Variants in PID1 observed in about 807,000 individuals in gnomAD.
PID1 encodes the protein phosphotyrosine interaction domain containing 1.
In PID1, 10 loss-of-function variants were observed where a neutral mutation model predicts 19.1. The ratio of observed to expected loss-of-function variants is 0.52; its 90% confidence interval spans 0.32 to 0.89. The LOEUF (loss-of-function observed/expected upper bound fraction) is 0.89, where lower values mean the gene tolerates loss of function less well. Ranked by LOEUF, PID1 falls within the 40% of genes least tolerant of loss-of-function variation. The pLI is 0.03. For synonymous variants in PID1, 130 were observed against 116.0 expected (o/e 1.12, Z -0.78); for missense variants, 248 against 285.3 (o/e 0.87, Z 0.94).
chr2:229,144,563 C>T (rs1170938836), intron 2 of PID1, among the ~76,000 whole-genome samples: 1 of 152,054 alleles, frequency 6.6e-6, no homozygotes, highest in Non-Finnish European at 1.5e-5. Flanking sequence ...AGTTATCACA[C>T]AGATATTGAG....
At chr2:229,168,917 C>T (rs1690656519) in intron 1 of PID1, among the ~76,000 whole-genome samples, 1 of 152,224 alleles carries the variant, frequency 6.6e-6, no homozygotes, top group African/African-American at 2.4e-5. Flanking sequence ...ATTTCTCTAG[C>T]ATTAGCTTGT....
At chr2:229,097,094 A>G (rs1694986495) in intron 2 of PID1, among the ~76,000 whole-genome samples, 1 of 152,210 alleles carries the variant, frequency 6.6e-6, no homozygotes, top group East Asian at 1.9e-4. Context: ...TAAAGCCTTC[A>G]AGGAATTTTC....
chr2:229,129,429 A>AAGAGAG (rs1246450348), intron 2 of PID1, among the ~76,000 whole-genome samples: 2 of 151,368 alleles, frequency 1.3e-5, no homozygotes, highest in African/African-American at 4.9e-5. Context: ...AAAAAAAAAA[A>AAGAGAG]AGAGAGAGAG....
intron 2 of PID1, among the ~76,000 whole-genome samples, chr2:229,030,272 G>A (rs1470882090): frequency 6.6e-6 from 1 of 152,186 alleles, no homozygotes; most frequent in Non-Finnish European, 1.5e-5. Context: ...GACGAATGAG[G>A]AGTTACTGTT....
intron 2 of PID1, among the ~76,000 whole-genome samples, chr2:229,140,922 A>G (rs1360831335): frequency 3.3e-5 from 5 of 152,262 alleles, no homozygotes; most frequent in African/African-American, 1.2e-4. Flanking sequence ...TTAAAAAGAA[A>G]AAATGAGTAG....
At chr2:229,262,952 T>G in intron 1 of PID1, 1 of 1,391,626 alleles carries the variant, frequency 7.2e-7, no homozygotes, top group Middle Eastern at 2.6e-4. Context: ...TGACCTCATC[T>G]TAACTTGCTT....
chr2:229,175,908 T>C (rs1275079861), intron 1 of PID1, among the ~76,000 whole-genome samples: 1 of 152,226 alleles, frequency 6.6e-6, no homozygotes, highest in African/African-American at 2.4e-5. Flanking sequence ...AAGGTTTTTT[T>C]ACAGTCCAAA....
At chr2:229,134,425 G>T (rs754464976) in intron 2 of PID1, among the ~76,000 whole-genome samples, 2 of 148,956 alleles carry the variant, frequency 1.3e-5, no homozygotes, top group South Asian at 2.1e-4. Context: ...TGTATTTTTA[G>T]TAGAGACAGG....
chr2:229,098,255 G>T (rs1330922362), intron 2 of PID1, among the ~76,000 whole-genome samples: 1 of 152,164 alleles, frequency 6.6e-6, no homozygotes, highest in Non-Finnish European at 1.5e-5. Flanking sequence ...GTCCTTATTT[G>T]TAAAATGAGG....
At chr2:229,029,565 G>C (rs770341490) in intron 2 of PID1, among the ~76,000 whole-genome samples, 1 of 152,010 alleles carries the variant, frequency 6.6e-6, no homozygotes, top group African/African-American at 2.4e-5. Context: ...AGTAGAGGCC[G>C]GGCGCAGTGG....
At chr2:229,094,674 C>T (rs1476883537) in intron 2 of PID1, among the ~76,000 whole-genome samples, 1 of 151,736 alleles carries the variant, frequency 6.6e-6, no homozygotes, top group Non-Finnish European at 1.5e-5. Context: ...TACAAAAACA[C>T]AAACTGGGGA....
intron 2 of PID1, among the ~76,000 whole-genome samples, chr2:229,066,457 T>G (rs1045901040): frequency 6.6e-6 from 1 of 152,170 alleles, no homozygotes; most frequent in South Asian, 2.1e-4. Context: ...GAACTTAAAA[T>G]AGCCAATTTT....
chr2:229,265,549 G>C (rs1251160128), intron 1 of PID1, among the ~76,000 whole-genome samples: 1 of 152,134 alleles, frequency 6.6e-6, no homozygotes, highest in Non-Finnish European at 1.5e-5. Flanking sequence ...ACTTTAAGGA[G>C]GTCTTTGGAC....
At chr2:229,114,113 T>TTCTCTCTCTCTC (rs59302884) in intron 2 of PID1, among the ~76,000 whole-genome samples, 1 of 138,872 alleles carries the variant, frequency 7.2e-6, no homozygotes, top group African/African-American at 2.7e-5. Flanking sequence ...CTCTCTCTCT[T>TTCTCTCTCTCTC]TCTCTCTCTC....
At chr2:229,121,475 C>T (rs539347961) in intron 2 of PID1, among the ~76,000 whole-genome samples, 1 of 152,300 alleles carries the variant, frequency 6.6e-6, no homozygotes, top group Non-Finnish European at 1.5e-5. Context: ...TTTGTTCTGA[C>T]CATGAGTAAG....
chr2:229,029,513 T>C (rs949693646), intron 2 of PID1, among the ~76,000 whole-genome samples: 3 of 152,010 alleles, frequency 2.0e-5, no homozygotes, highest in African/African-American at 7.2e-5. Flanking sequence ...ACAATTTCTA[T>C]ACCATGTAGA....
chr2:229,209,475 G>A (rs1344870547), intron 1 of PID1, among the ~76,000 whole-genome samples: 1 of 152,180 alleles, frequency 6.6e-6, no homozygotes, highest in African/African-American at 2.4e-5. Flanking sequence ...CTTTCCACTT[G>A]TGCCAACTAG....
chr2:229,192,921 T>C (rs1691293357), intron 1 of PID1, among the ~76,000 whole-genome samples: 1 of 152,220 alleles, frequency 6.6e-6, no homozygotes, highest in Non-Finnish European at 1.5e-5. Context: ...AACATAAATG[T>C]CCAAGCTCCT....
In PID1 at chr2:229,070,297, T is replaced by C. The variant is rs913838455; in HGVS notation, c.178-44189A>G. ...ATCCTAAGTGGCCACTTACTAGTTA[T>C]GTGACATTAAGACTGCTACTTAATC... On this transcript the variant is annotated intron_variant, in intron 2 of 2. Transcript: ENST00000392055. Among the ~76,000 whole-genome samples the C allele has an allele frequency of 2.6e-5, 4 of 152,336 alleles. No homozygotes were observed. In the South Asian group the frequency reaches 6.2e-4, roughly 24 times the overall value.
Sources: allele counts gnomAD v4.1 joint callset (sites outside exome capture counted in the v4.1 genomes callset), GRCh38; gene constraint gnomAD v4.1.1; transcripts MANE v1.5; gene names NCBI Gene and HGNC (gene_info 2026-07-23, HGNC 2026-07-21).